The following SERPINA12 variants were observed in gnomAD, a reference collection of about 807,000 sequenced individuals.
SERPINA12 encodes serpin A12.
In SERPINA12, 21 loss-of-function variants were observed where a neutral mutation model predicts 25.9. That is an observed-to-expected ratio of 0.81 (90% CI 0.58 to 1.17). The LOEUF is 1.17. SERPINA12 is among the 50% of genes most tolerant of loss of function. The probability of loss-of-function intolerance (pLI) is 0.00; values close to 1 mark genes in which losing one functional copy is unlikely to be tolerated. For synonymous variants in SERPINA12, 220 were observed against 196.0 expected, an observed-to-expected ratio of 1.12 and a Z score of -1.02; for missense variants, 562 against 508.3, an observed-to-expected ratio of 1.11 and a Z score of -1.02.
At chr14:94,496,680 A>T in intron 2 of SERPINA12, 37 bp from the exon 3 acceptor site, 1 of 1,588,960 alleles carries the variant, frequency 6.3e-7, no homozygotes, top group Non-Finnish European at 8.6e-7. Context: ...ATGTTATCCC[A>T]AGGGAAAAAA....
intron 1 of SERPINA12, among the ~76,000 whole-genome samples, chr14:94,506,916 G>A (rs1347755206): frequency 6.6e-6 from 1 of 152,218 alleles, no homozygotes; most frequent in East Asian, 1.9e-4. Context: ...CAAGATGGCT[G>A]TAAAGCCACA....
At chr14:94,511,651 C>G (rs1376059055), upstream of SERPINA12, 7 of 985,464 alleles carry the variant, frequency 7.1e-6, no homozygotes, top group African/African-American at 7.0e-5. Context: ...GTCCCACCCA[C>G]CTCTCTCACC....
At chr14:94,495,060 C>CTTTATTTTTTTTTTTTTTTTTTTTT (rs1427863532) in intron 3 of SERPINA12, among the ~76,000 whole-genome samples, 1 of 127,412 alleles carries the variant, frequency 7.8e-6, no homozygotes, top group African/African-American at 3.6e-5. Flanking sequence ...CAGAATTTCC[C>CTTTATTTTTTTTTTTTTTTTTTTTT]TTTCTTTTTT....
At chr14:94,499,640 G>A (rs993165073) in intron 1 of SERPINA12, among the ~76,000 whole-genome samples, 5 of 152,178 alleles carry the variant, frequency 3.3e-5, no homozygotes, top group Admixed American at 6.5e-5. Flanking sequence ...CACAGTAAAG[G>A]TTTTTCATGG....
At position 94,489,822 on chromosome 14, in the gene SERPINA12, A is replaced by G. The variant is rs1900087070; in HGVS notation, c.906-55T>C. 3 of 1,571,646 alleles carry G rather than the reference A, an allele frequency of 1.9e-6. No homozygotes were observed. The South Asian group carries it at 3.4e-5, about 18-fold the overall frequency. ...GTCAAGTCCTGTTGTGTTGCAGGGC[A>G]AGCCTCAGGATACATGACCAATGAA... On this transcript the variant is annotated intron_variant, in intron 3 of 4. Coordinates refer to ENST00000677451, the MANE Select transcript of SERPINA12 (RefSeq NM_001382267.1).
Position 94,490,273 on chromosome 14 carries a change from G to A in SERPINA12, c.906-506C>T, listed in dbSNP as rs536038023. Among the ~76,000 whole-genome samples the A allele has an allele frequency of 2.6e-4, 40 of 152,258 alleles. No homozygotes were observed. In the South Asian group the frequency reaches 7.5e-3, roughly 28 times the overall value. On this transcript the variant is annotated intron_variant, in intron 3 of 4. Coordinates refer to ENST00000677451, the MANE Select transcript of SERPINA12 (RefSeq NM_001382267.1). ...TCACCGTCGCTCCTGCGGGACACTA[G>A]GGGTGCTAAGGCAAATGCAGACAAG...
chr14:94,510,055 G>A (rs1178600923), upstream of SERPINA12: 6 of 985,316 alleles, frequency 6.1e-6, no homozygotes, highest in Middle Eastern at 5.2e-4. Flanking sequence ...GCTCTGGGAC[G>A]TCTCAGGGCC....
intron 3 of SERPINA12, 84 bp downstream of exon 3, chr14:94,496,289 G>A (rs1900413001): frequency 2.2e-6 from 3 of 1,365,520 alleles, no homozygotes; most frequent in African/African-American, 2.9e-5. Flanking sequence ...AGAGGACTTG[G>A]CCATGAGGTA....
upstream of SERPINA12, chr14:94,509,942 G>A: frequency 1.0e-6 from 1 of 982,384 alleles, no homozygotes. Context: ...CACTGCTATA[G>A]AATACCAGCC....
chr14:94,508,004 A>C (rs1900993422), intron 1 of SERPINA12, among the ~76,000 whole-genome samples: 1 of 152,236 alleles, frequency 6.6e-6, no homozygotes, highest in African/African-American at 2.4e-5. Context: ...CCCAGATCAT[A>C]CTTTGCATTT....
rs573946044 is a variant in SERPINA12, at chr14:94,509,423, C to A, written c.-115G>T. Among the ~76,000 whole-genome samples the A allele has an allele frequency of 2.6e-5, 4 of 152,102 alleles. No homozygotes were observed. The highest frequency in any genetic ancestry group is 2.0e-4 in the Admixed American group (3 of 15,262). On this transcript the variant is annotated 5_prime_UTR_variant, in exon 1 of 5. Transcript: ENST00000677451. ...TTGTTGCTGATCCCAGCCTCCTAGT[C>A]CTTTTTCGGTCCTGGTCCTGCAGCC...
intron 3 of SERPINA12, among the ~76,000 whole-genome samples, chr14:94,495,483 G>C (rs1476910871): frequency 6.6e-6 from 1 of 152,172 alleles, no homozygotes; most frequent in Non-Finnish European, 1.5e-5. Context: ...TACCACCCAT[G>C]GGTTACTAAG....
intron 1 of SERPINA12, among the ~76,000 whole-genome samples, chr14:94,507,136 T>A (rs1951024): frequency 6.6e-6 from 1 of 152,378 alleles, no homozygotes; most frequent in South Asian, 2.1e-4. Flanking sequence ...AAATAGTGAC[T>A]ATTTTACTCA....
At chr14:94,496,025 C>T (rs985748743) in intron 3 of SERPINA12, among the ~76,000 whole-genome samples, 1 of 152,180 alleles carries the variant, frequency 6.6e-6, no homozygotes, top group Non-Finnish European at 1.5e-5. Flanking sequence ...TCTTTTACAG[C>T]CCGTGTTTGT....
chr14:94,496,448 T>A lies in SERPINA12; in HGVS notation c.830A>T (p.Glu277Val). 6.2e-7 allele frequency: 1 copy of A among 1,614,156 alleles called. No homozygotes were observed. The highest frequency in any genetic ancestry group is 8.5e-7 in the Non-Finnish European group (1 of 1,180,012). The change falls in exon 3 of 5, where the codon GAG (glutamate) becomes GTG (valine). Residue 277 changes from glutamate to valine, a missense_variant. Coordinates refer to ENST00000677451, the MANE Select transcript of SERPINA12 (RefSeq NM_001382267.1). Reference protein sequence around the residue: ...NITAIFILPDEGKLKHLEKGL... With the variant: ...NITAIFILPDVGKLKHLEKGL... Reference sequence around the variant, plus strand: ...CTTCTCCAAGTGCTTCAGCTTGCCCTCATCAGGAAGGATGAAGATGGCTGT... The same window carrying A: ...CTTCTCCAAGTGCTTCAGCTTGCCCACATCAGGAAGGATGAAGATGGCTGT...
At chr14:94,500,149 G>A (rs910176816) in intron 1 of SERPINA12, among the ~76,000 whole-genome samples, 6 of 152,158 alleles carry the variant, frequency 3.9e-5, no homozygotes, top group Admixed American at 2.0e-4. Context: ...ATCCTTCTAC[G>A]CCAAGCACTG....
intron 1 of SERPINA12, among the ~76,000 whole-genome samples, 106 bp downstream of exon 1, chr14:94,509,236 C>CA (rs1566815699): frequency 6.6e-6 from 1 of 151,488 alleles, no homozygotes; most frequent in Non-Finnish European, 1.5e-5. Flanking sequence ...TTTGAGTGAT[C>CA]ACCTTGGCCC....
In SERPINA12 at chr14:94,498,415, CT is replaced by C; in HGVS notation, c.-19del. On this transcript the variant is annotated 5_prime_UTR_variant, in exon 2 of 5. Coordinates refer to ENST00000677451, the MANE Select transcript of SERPINA12 (RefSeq NM_001382267.1). ...GGGTTCATTTTCCTTGAAGAATATC[CT>C]GTTGAGTAGTAGACCTGAGGTCAGC... is the stretch of plus-strand genomic sequence containing the variant. 3 of 1,609,152 alleles carry C rather than the reference CT, an allele frequency of 1.9e-6. No individual in the cohort carries two copies. The highest frequency in any genetic ancestry group is 2.5e-6 in the Non-Finnish European group (3 of 1,177,442).
rs1470342633 is a variant in SERPINA12 at position 94,509,461 on chromosome 14, G to A, written c.-153C>T. Among the ~76,000 whole-genome samples, 1 of 152,034 alleles carries A rather than the reference G, an allele frequency of 6.6e-6. No homozygotes were observed. The highest frequency in any genetic ancestry group is 2.4e-5 in the African/African-American group (1 of 41,368). ...TGGTCCTGCAGCCTTCAGGTTCCAG[G>A]TATGTTCCTCTAGGCTCCCAGCCCC... On this transcript the variant is annotated 5_prime_UTR_variant, in exon 1 of 5. Transcript: ENST00000677451.
Sources: gnomAD v4.1 joint callset for allele counts (sites outside exome capture counted in the v4.1 genomes callset) on GRCh38, gnomAD v4.1.1 for gene constraint, MANE v1.5 for transcripts, NCBI Gene and HGNC (gene_info 2026-07-23, HGNC 2026-07-21) for gene names.